Variants in PIAS2 observed in about 807,000 individuals in gnomAD.
PIAS2 encodes protein inhibitor of activated STAT 2.
A neutral mutation model predicts 69.7 loss-of-function variants in PIAS2; 19 were observed. The observed-to-expected ratio is 0.27, with a 90% CI of 0.19 to 0.40. The LOEUF (loss-of-function observed/expected upper bound fraction) is 0.40. PIAS2 is among the 10% of genes least tolerant of loss of function. The pLI is 1.00. For missense variants in PIAS2, 624 were observed against 757.0 expected (o/e 0.82, Z 2.06); for synonymous variants, 261 against 263.2 (o/e 0.99, Z 0.08).
chr18:46,836,714 A>AT (rs2044491747), intron 8 of PIAS2, among the ~76,000 whole-genome samples, 197 bp from the exon 9 acceptor site: 1 of 152,134 alleles, frequency 6.6e-6, no homozygotes. Flanking sequence ...TTGAAAAACC[A>AT]TTTCACTTTT....
chr18:46,875,844 G>A (rs961818608), intron 2 of PIAS2, among the ~76,000 whole-genome samples: 3 of 152,174 alleles, frequency 2.0e-5, no homozygotes, highest in Non-Finnish European at 2.9e-5. Flanking sequence ...TCCTCCAGCC[G>A]ACCAGGCATG....
In PIAS2 at chr18:46,807,381, A is replaced by ATTTTTT. The variant is rs1453356977; in HGVS notation, c.*5051_*5052insAAAAAA. The ATTTTTT allele has an allele frequency of 5.5e-4, 11 of 19,848 alleles. No homozygotes were observed. Among genetic ancestry groups the ATTTTTT allele is most frequent in the East Asian group, 2.3e-3 (2 of 856 alleles). The allele number at this position is 19,848 out of a possible 1,614,324, so 1.2% of individuals were successfully genotyped here. On this transcript the variant is annotated 3_prime_UTR_variant, in exon 14 of 14. Transcript: ENST00000585916. ...TATATATATATATATATATATATAT[A>ATTTTTT]TATTTTTTTTTTTTTTTTTTTTTTT...
At chr18:46,877,360 C>T (rs988500541) in intron 2 of PIAS2, among the ~76,000 whole-genome samples, 13 of 152,142 alleles carry the variant, frequency 8.5e-5, no homozygotes, top group Admixed American at 1.3e-4. Flanking sequence ...TCTTTGTTCT[C>T]GAGATCAACT....
chr18:46,829,847 T>C lies in PIAS2; in HGVS notation c.1223A>G (p.Asn408Ser), dbSNP rs1354850137. Reference sequence around the variant, plus strand: ...GATCTCATCTACATCAGAACAGTCATTGAGAATTTCCATAAAAAGCCTAAA... The same window carrying C: ...GATCTCATCTACATCAGAACAGTCACTGAGAATTTCCATAAAAAGCCTAAA... ...ILDGLFMEIL[N>S]DCSDVDEIKF... is the part of the protein sequence containing the mutation. Residue 408 changes from asparagine to serine, a missense_variant, in exon 10 of 14, where the codon AAT becomes AGT. Physicochemically the swap from Asn to Ser is conservative, Grantham distance 46. Around this residue, in one of 3 missense-constraint regions of PIAS2, gnomAD observed 44 missense variants for 90.9 expected, o/e 0.48. Coordinates refer to ENST00000585916, the MANE Select transcript of PIAS2 (RefSeq NM_004671.5). 1 of 1,612,122 alleles carries C rather than the reference T, an allele frequency of 6.2e-7. No individual in the cohort carries two copies. The highest frequency in any genetic ancestry group is 2.2e-5 in the East Asian group (1 of 44,828).
At chr18:46,826,768 A>C (rs2042904300) in intron 11 of PIAS2, 2 of 152,240 alleles carry the variant, frequency 1.3e-5, no homozygotes, top group Admixed American at 1.3e-4. Context: ...AATGGGTAGA[A>C]GTAAATATAT....
intron 2 of PIAS2, among the ~76,000 whole-genome samples, chr18:46,865,148 CAAT>C (rs1189068137): frequency 6.6e-6 from 1 of 152,038 alleles, no homozygotes; most frequent in African/African-American, 2.4e-5. Context: ...ATGAATTATT[CAAT>C]AATGTTCTAG....
At position 46,898,396 on chromosome 18, in the gene PIAS2, G is replaced by A. The variant is rs145281824; in HGVS notation, c.25-7342C>T. On this transcript the variant is annotated intron_variant, in intron 1 of 13. Transcript: ENST00000585916. ...CGGCCTCAAGTGATCCACCCACCTCGGTTTCCCAAAGTGCTGGGATTACAG... is the reference window on the plus strand; with the variant it reads ...CGGCCTCAAGTGATCCACCCACCTCAGTTTCCCAAAGTGCTGGGATTACAG... Among the ~76,000 whole-genome samples the A allele has an allele frequency of 1.1e-3, 167 of 152,136 alleles. 1 individual carries two copies. Among genetic ancestry groups the A allele is most frequent in the African/African-American group, 3.9e-3 (162 of 41,512 alleles).
At chr18:46,816,790 T>C (rs1029848268) in intron 12 of PIAS2, 2 of 984,962 alleles carry the variant, frequency 2.0e-6, no homozygotes, top group Non-Finnish European at 2.4e-6. Flanking sequence ...TCATTTCATA[T>C]GTCTGTCACT....
intron 9 of PIAS2, among the ~76,000 whole-genome samples, chr18:46,831,151 C>G (rs530348868): frequency 5.3e-5 from 8 of 152,176 alleles, no homozygotes; most frequent in Admixed American, 4.6e-4. Flanking sequence ...TATAGAAAAT[C>G]CTATGTAATC....
intron 2 of PIAS2, among the ~76,000 whole-genome samples, chr18:46,889,453 T>A (rs774751695): frequency 1.3e-5 from 2 of 151,832 alleles, no homozygotes; most frequent in Non-Finnish European, 2.9e-5. Flanking sequence ...GAAAGATACA[T>A]AAATGGCCAA....
chr18:46,834,114 G>A (rs2044083520), intron 9 of PIAS2, among the ~76,000 whole-genome samples: 1 of 151,924 alleles, frequency 6.6e-6, no homozygotes, highest in Non-Finnish European at 1.5e-5. Context: ...AGTAAGTACT[G>A]TGTTGAATGA....
intron 1 of PIAS2, chr18:46,891,395 T>C: frequency 3.4e-6 from 1 of 292,972 alleles, no homozygotes; most frequent in Non-Finnish European, 6.5e-6. Flanking sequence ...AATATACTCC[T>C]TTTCAAAACC....
chr18:46,870,279 G>A (rs1335881863), intron 2 of PIAS2, among the ~76,000 whole-genome samples: 4 of 150,726 alleles, frequency 2.7e-5, no homozygotes, highest in Non-Finnish European at 5.9e-5. Context: ...AATCGGCTTT[G>A]TAAATGCTCC....
At chr18:46,892,738 T>A (rs375842679) in intron 1 of PIAS2, among the ~76,000 whole-genome samples, 2 of 152,094 alleles carry the variant, frequency 1.3e-5, no homozygotes, top group Non-Finnish European at 2.9e-5. Flanking sequence ...CACACCACCA[T>A]ATTCCAGCCT....
chr18:46,920,058 C>G (rs1439871891), upstream of PIAS2: 2 of 1,289,412 alleles, frequency 1.6e-6, no homozygotes, highest in East Asian at 5.6e-5. Context: ...CTGAAACTTA[C>G]GTGCAGTGTT....
Position 46,846,724 on chromosome 18 carries a change from C to T in PIAS2, c.844G>A (p.Ala282Thr), listed in dbSNP as rs2046215187. The T allele has an allele frequency of 6.2e-7, 1 of 1,611,278 alleles. No homozygotes were observed. The highest frequency in any genetic ancestry group is 8.5e-7 in the Non-Finnish European group (1 of 1,178,650). ...GCTTTTACCTTCCCAATTTCTGATG[C>T]CCAAGAAATGGAAATTTGGTTTGGC... is the stretch of plus-strand genomic sequence containing the variant. ...AVPNQISISW[A>T]SEIGKNYSMS... is the part of the protein sequence containing the mutation. The change falls in exon 6 of 14, where the codon GCA becomes ACA. Residue 282 changes from alanine to threonine, a missense_variant. Transcript: ENST00000585916.
chr18:46,868,721 A>C (rs1337939103), intron 2 of PIAS2, among the ~76,000 whole-genome samples: 1 of 152,154 alleles, frequency 6.6e-6, no homozygotes, highest in Non-Finnish European at 1.5e-5. Flanking sequence ...GAAATCCTTC[A>C]TTTGGCATTT....
intron 5 of PIAS2, among the ~76,000 whole-genome samples, chr18:46,849,768 T>C (rs1159128439): frequency 6.6e-6 from 1 of 152,192 alleles, no homozygotes; most frequent in African/African-American, 2.4e-5. Context: ...AAGGAACAAA[T>C]AGCAGGGACC....
chr18:46,893,996 C>G (rs1324898910), intron 1 of PIAS2, among the ~76,000 whole-genome samples: 10 of 152,026 alleles, frequency 6.6e-5, no homozygotes, highest in Non-Finnish European at 5.9e-5. Context: ...CTTGGTGGTA[C>G]ACACCTGTAG....
Sources: gnomAD v4.1 joint callset for allele counts (sites outside exome capture counted in the v4.1 genomes callset) on GRCh38, gnomAD v4.1.1 for gene constraint, gnomAD v4.1.1 regional missense constraint, MANE v1.5 for transcripts, NCBI Gene and HGNC (gene_info 2026-07-23, HGNC 2026-07-21) for gene names.